The following TP63 variants were observed in gnomAD, a reference collection of about 807,000 sequenced individuals.
TP63 encodes tumor protein 63.
In TP63, 17 loss-of-function variants were observed where a neutral mutation model predicts 82.8. The ratio of observed to expected loss-of-function variants is 0.21; its 90% CI spans 0.14 to 0.31. The LOEUF is 0.31. TP63 is among the 10% of genes least tolerant of loss of function. The pLI is 1.00. For missense variants in TP63, 648 were observed against 895.3 expected (o/e 0.72, Z 3.52); for synonymous variants, 330 against 321.7 (o/e 1.03, Z -0.28).
At chr3:189,664,236 C>T (rs1003024457) in intron 1 of TP63, among the ~76,000 whole-genome samples, 1 of 152,108 alleles carries the variant, frequency 6.6e-6, no homozygotes, top group African/African-American at 2.4e-5. Flanking sequence ...AGGAATATCA[C>T]AATACCCAGC....
intron 1 of TP63, among the ~76,000 whole-genome samples, chr3:189,682,232 T>C (rs963431796): frequency 3.0e-4 from 46 of 152,134 alleles, no homozygotes; most frequent in African/African-American, 1.1e-3. Context: ...AGAGCATTAA[T>C]AATTTCCCAA....
chr3:189,797,062 G>A (rs548670487), intron 3 of TP63, among the ~76,000 whole-genome samples: 1 of 152,094 alleles, frequency 6.6e-6, no homozygotes, highest in African/African-American at 2.4e-5. Context: ...AAACATTTTT[G>A]GAATGTTAGT....
chr3:189,761,844 G>A (rs2108539889), intron 3 of TP63, among the ~76,000 whole-genome samples: 1 of 152,326 alleles, frequency 6.6e-6, no homozygotes, highest in South Asian at 2.1e-4. Flanking sequence ...TGAAGGCAAG[G>A]AGGAGCAAGT....
intron 3 of TP63, among the ~76,000 whole-genome samples, chr3:189,761,822 C>A (rs1161820607): frequency 4.6e-5 from 7 of 152,196 alleles, no homozygotes. Context: ...GGGGAGGCCT[C>A]ACAATCATGG....
intron 3 of TP63, among the ~76,000 whole-genome samples, chr3:189,786,446 A>AAC (rs59747587): frequency 0.097 from 14,217 of 146,966 alleles, 669 homozygotes; most frequent in Admixed American, 0.11. Flanking sequence ...GACATACCTA[A>AAC]ACACACACAC....
At chr3:189,765,753 G>T (rs1388489640) in intron 3 of TP63, among the ~76,000 whole-genome samples, 1 of 152,016 alleles carries the variant, frequency 6.6e-6, no homozygotes, top group Non-Finnish European at 1.5e-5. Context: ...ATTTTTAAAG[G>T]AACAGCAGTT....
At chr3:189,893,741 G>A (rs1390662459) in intron 13 of TP63, among the ~76,000 whole-genome samples, 2 of 152,006 alleles carry the variant, frequency 1.3e-5, no homozygotes, top group Non-Finnish European at 2.9e-5. Context: ...ACTAATCTGG[G>A]GATTAAATGA....
chr3:189,672,872 C>A lies in TP63; in HGVS notation c.62+41295C>A, dbSNP rs368756334. Among the ~76,000 whole-genome samples, 74 of 151,892 alleles carry A rather than the reference C, an allele frequency of 4.9e-4. No homozygotes were observed. In the East Asian group the frequency reaches 0.011, roughly 22 times the overall value. On this transcript the variant is annotated intron_variant, in intron 1 of 13. Transcript: ENST00000264731. ...CAGTTAAACCTCTAGCAAGATTAAT[C>A]AAAAAAAGAGGAAAAAGCAAAAGAA...
chr3:189,704,166 G>T (rs1718028646), intron 1 of TP63, among the ~76,000 whole-genome samples: 1 of 152,218 alleles, frequency 6.6e-6, no homozygotes, highest in Non-Finnish European at 1.5e-5. Context: ...AATGGTGGGA[G>T]AAAAGTATGA....
chr3:189,853,713 T>C (rs1181300724), intron 4 of TP63, among the ~76,000 whole-genome samples: 4 of 152,366 alleles, frequency 2.6e-5, no homozygotes, highest in South Asian at 2.1e-4. Flanking sequence ...ATAGTAGTTA[T>C]TTGTTTATTC....
At chr3:189,720,828 A>G (rs916900637) in intron 1 of TP63, among the ~76,000 whole-genome samples, 2 of 151,924 alleles carry the variant, frequency 1.3e-5, no homozygotes, top group Non-Finnish European at 2.9e-5. Context: ...TTCATTATCC[A>G]GCATCTCCTA....
the TP63 span, among the ~76,000 whole-genome samples, chr3:189,621,466 A>G: frequency 6.6e-6 from 1 of 152,124 alleles, no homozygotes; most frequent in Non-Finnish European, 1.5e-5. Context: ...ACATACACAC[A>G]TGCATACTTA....
chr3:189,659,954 C>A (rs1713722813), intron 1 of TP63, among the ~76,000 whole-genome samples: 2 of 152,044 alleles, frequency 1.3e-5, no homozygotes, highest in South Asian at 4.1e-4. Flanking sequence ...AGATACTAGA[C>A]CATTGCCATA....
the TP63 span, among the ~76,000 whole-genome samples, chr3:189,606,378 T>C: frequency 6.6e-6 from 1 of 151,730 alleles, no homozygotes; most frequent in African/African-American, 2.4e-5. Flanking sequence ...GGAAACAAGG[T>C]ACCATGAGTG....
intron 1 of TP63, among the ~76,000 whole-genome samples, chr3:189,734,278 TC>T (rs200754588): frequency 0.027 from 4,129 of 151,196 alleles, 122 homozygotes; most frequent in East Asian, 0.14. Flanking sequence ...TTCAAGCGAT[TC>T]TCCTGCCTCA....
intron 4 of TP63, among the ~76,000 whole-genome samples, chr3:189,841,948 G>A (rs532938085): frequency 6.6e-6 from 1 of 152,260 alleles, no homozygotes; most frequent in South Asian, 2.1e-4. Context: ...TCTAGGTAGG[G>A]CTATCGTTTT....
chr3:189,765,682 C>G (rs977316570), intron 3 of TP63, among the ~76,000 whole-genome samples: 25 of 151,802 alleles, frequency 1.6e-4, no homozygotes, highest in Non-Finnish European at 8.8e-5. Flanking sequence ...ATCCGCCCAC[C>G]TCGGCCTCCC....
At chr3:189,777,845 CTTTTTTTTTTTTTTTTTT>C (rs55731981) in intron 3 of TP63, among the ~76,000 whole-genome samples, 1 of 37,752 alleles carries the variant, frequency 2.6e-5, no homozygotes, top group African/African-American at 1.2e-4. Flanking sequence ...TCTTCTTCTT[CTTTTTTTTTTTTTTTTTT>C]TTTTTTTTTT....
chr3:189,689,481 T>C (rs1469378645), intron 1 of TP63, among the ~76,000 whole-genome samples: 1 of 152,058 alleles, frequency 6.6e-6, no homozygotes, highest in African/African-American at 2.4e-5. Flanking sequence ...TATAAGGCAA[T>C]ACACATACTT....
Sources: gnomAD v4.1 joint callset for allele counts (sites outside exome capture counted in the v4.1 genomes callset) on GRCh38, gnomAD v4.1.1 for gene constraint, MANE v1.5 for transcripts, NCBI Gene and HGNC (gene_info 2026-07-23, HGNC 2026-07-21) for gene names.